The following CR1 variants were observed in gnomAD, a reference collection of about 807,000 sequenced individuals.
CR1 encodes the protein complement receptor type 1.
CR1 carries 116 observed loss-of-function variants against 187.3 expected under a neutral mutation model. The observed-to-expected ratio is 0.62, with a 90% confidence interval of 0.53 to 0.72. CR1 has a LOEUF of 0.72. Among genes scored for constraint, CR1 ranks in the 30% least tolerant of loss-of-function variants. CR1 has a pLI of 0.00. For synonymous variants in CR1, 576 were observed against 747.1 expected, an observed-to-expected ratio of 0.77 and a Z score of 3.73; for missense variants, 1,731 against 2,110.7, an observed-to-expected ratio of 0.82 and a Z score of 3.52.
intron 1 of CR1, among the ~76,000 whole-genome samples, chr1:207,498,143 T>A (rs1245955102): frequency 1.3e-5 from 2 of 152,220 alleles, no homozygotes; most frequent in Non-Finnish European, 2.9e-5. Flanking sequence ...ACTGACATCC[T>A]GATCTCTGAG....
chr1:207,505,918 C>T lies in CR1; in HGVS notation c.136C>T (p.Pro46Ser). Residue 46 changes from proline (P) to serine (S), a missense_variant, in exon 2 of 47, where the codon CCA becomes TCA. Transcript: ENST00000367049. Reference protein sequence around the residue: ...LPVAWGQCNAPEWLPFARPTN... With the variant: ...LPVAWGQCNASEWLPFARPTN... ...TTGATCTCCAGGTCAATGCAATGCCCCAGAATGGCTTCCATTTGCCAGGCC... is the reference window on the plus strand; with the variant it reads ...TTGATCTCCAGGTCAATGCAATGCCTCAGAATGGCTTCCATTTGCCAGGCC... The T allele has an allele frequency of 6.2e-7, 1 of 1,613,776 alleles. No individual in the cohort carries two copies. Among genetic ancestry groups the T allele is most frequent in the Non-Finnish European group, 8.5e-7 (1 of 1,179,738 alleles).
intron 28 of CR1, 73 bp downstream of exon 28, chr1:207,575,753 T>G: frequency 1.9e-6 from 3 of 1,602,302 alleles, no homozygotes; most frequent in Admixed American, 1.7e-5. Context: ...TTACAAAGAA[T>G]GGATCTCATC....
intron 19 of CR1, among the ~76,000 whole-genome samples, chr1:207,554,216 AGAG>A (rs1660337043): frequency 1.4e-5 from 1 of 72,548 alleles, no homozygotes; most frequent in Non-Finnish European, 3.0e-5. Flanking sequence ...TCATAGCTAG[AGAG>A]GAGAAGCCAA....
intron 42 of CR1, among the ~76,000 whole-genome samples, 166 bp from the exon 43 acceptor site, chr1:207,619,714 G>C (rs934347326): frequency 1.3e-5 from 2 of 152,198 alleles, no homozygotes; most frequent in African/African-American, 4.8e-5. Flanking sequence ...GTCAGGAAAT[G>C]TTAAATCATA....
chr1:207,576,771 G>A (rs1281326669), intron 28 of CR1, among the ~76,000 whole-genome samples: 3 of 152,192 alleles, frequency 2.0e-5, no homozygotes, highest in Non-Finnish European at 4.4e-5. Flanking sequence ...AATGAGCCAT[G>A]ATCGTGCCAC....
intron 35 of CR1, chr1:207,600,567 A>C (rs1477876144): frequency 2.0e-5 from 3 of 152,180 alleles, no homozygotes; most frequent in Non-Finnish European, 4.4e-5. Flanking sequence ...AGTTTTAGAA[A>C]ACGGAGTACC....
chr1:207,613,627 T>C (rs1048373985), intron 39 of CR1, among the ~76,000 whole-genome samples: 2 of 152,154 alleles, frequency 1.3e-5, no homozygotes, highest in African/African-American at 4.8e-5. Context: ...TTATTAGTTG[T>C]TTATGTGTAT....
chr1:207,639,664 C>T lies in CR1; in HGVS notation c.*255C>T. The T allele has an allele frequency of 2.4e-6, 1 of 408,566 alleles. No individual in the cohort carries two copies. Among genetic ancestry groups the T allele is most frequent in the East Asian group, 3.8e-5 (1 of 26,644 alleles). 25.3% of individuals were successfully genotyped at this position (408,566 alleles called of 1,614,324 possible). A position where few individuals can be genotyped will look rare whatever the true frequency, so the allele number is the denominator to read the frequency against. ...CACAGTATCTAGTCAGGGGAAAAGA[C>T]TGCATTTAGGAGATAGAAAATAGTT... On this transcript the variant is annotated 3_prime_UTR_variant, in exon 47 of 47. Transcript: ENST00000367049.
chr1:207,632,659 G>A (rs1467228979), intron 46 of CR1, among the ~76,000 whole-genome samples: 2 of 151,998 alleles, frequency 1.3e-5, no homozygotes, highest in African/African-American at 2.4e-5. Context: ...TTAGCCAGGC[G>A]TGGTGGTGGG....
rs1432794867 is a variant in CR1, at chr1:207,526,712, G to A, written c.887-41G>A. On this transcript the variant is annotated intron_variant, in intron 5 of 46. Coordinates refer to ENST00000367049, the MANE Select transcript of CR1 (RefSeq NM_000651.6). ...CCAGTTTAACAGTGAGAAAAAAGTTGTTTTCACACAATTAGCTGTACTTTG... is the reference window on the plus strand; with the variant it reads ...CCAGTTTAACAGTGAGAAAAAAGTTATTTTCACACAATTAGCTGTACTTTG... 20 of 1,490,046 alleles carry A rather than the reference G, an allele frequency of 1.3e-5. 2 individuals are homozygous for A. The highest frequency in any genetic ancestry group is 3.7e-5 in the African/African-American group (2 of 54,658). The allele number at this position is 1,490,046 out of a possible 1,614,324, so 92.3% of individuals were successfully genotyped here.
chr1:207,639,626 C>G lies in CR1; in HGVS notation c.*217C>G. The G allele has an allele frequency of 1.9e-6, 1 of 514,590 alleles. No homozygotes were observed. The highest frequency in any genetic ancestry group is 3.5e-6 in the Non-Finnish European group (1 of 288,080). The allele number at this position is 514,590 out of a possible 1,614,324, so 31.9% of individuals were successfully genotyped here. Reference sequence around the variant, plus strand: ...CTGTGAAACCCCCACCCTTCTGCCTCGTGCTAAACGCACACAGTATCTAGT... The same window carrying G: ...CTGTGAAACCCCCACCCTTCTGCCTGGTGCTAAACGCACACAGTATCTAGT... On this transcript the variant is annotated 3_prime_UTR_variant, in exon 47 of 47. Coordinates refer to ENST00000367049, the MANE Select transcript of CR1 (RefSeq NM_000651.6).
At chr1:207,630,278 A>G (rs1031830039) in intron 45 of CR1, among the ~76,000 whole-genome samples, 6 of 152,226 alleles carry the variant, frequency 3.9e-5, no homozygotes, top group African/African-American at 1.4e-4. Context: ...GCCTATAAAC[A>G]ATTTAGAGTA....
intron 35 of CR1, among the ~76,000 whole-genome samples, chr1:207,595,619 G>A (rs796174836): frequency 1.3e-4 from 19 of 151,920 alleles, no homozygotes; most frequent in African/African-American, 4.6e-4. Flanking sequence ...CATCTGCAAG[G>A]CACAGATGCA....
intron 5 of CR1, among the ~76,000 whole-genome samples, chr1:207,524,534 C>T (rs956407682): frequency 1.2e-4 from 18 of 152,082 alleles, no homozygotes; most frequent in African/African-American, 3.4e-4. Flanking sequence ...TAGGTGCATG[C>T]CACCATGCCT....
intron 5 of CR1, among the ~76,000 whole-genome samples, chr1:207,525,626 C>A (rs1171415791): frequency 6.6e-6 from 1 of 151,986 alleles, no homozygotes; most frequent in African/African-American, 2.4e-5. Context: ...ATATATGCCT[C>A]CAATTGGCAG....
intron 42 of CR1, 96 bp downstream of exon 42, chr1:207,618,343 G>T: frequency 9.7e-6 from 11 of 1,137,804 alleles, no homozygotes; most frequent in Admixed American, 2.5e-5. Context: ...TTAATGAAAG[G>T]GATAATATTT....
At chr1:207,607,471 G>T in intron 36 of CR1, 135 bp downstream of exon 36, 3 of 654,138 alleles carry the variant, frequency 4.6e-6, no homozygotes, top group South Asian at 2.0e-5. Context: ...GATGCTTCAT[G>T]GTCTTCCTGG....
chr1:207,575,811 C>T (rs1013038820), intron 28 of CR1, 131 bp downstream of exon 28: 1 of 1,430,708 alleles, frequency 7.0e-7, no homozygotes, highest in Non-Finnish European at 9.7e-7. Context: ...CTAGTCATAT[C>T]CTTAAAATGG....
At chr1:207,496,923 C>G (rs1659106587) in intron 1 of CR1, among the ~76,000 whole-genome samples, 1 of 152,152 alleles carries the variant, frequency 6.6e-6, no homozygotes, top group Admixed American at 6.5e-5. Flanking sequence ...TATGTGTCCC[C>G]GAGTCCATTT....
Sources: gnomAD v4.1 joint callset for allele counts (sites outside exome capture counted in the v4.1 genomes callset) on GRCh38, gnomAD v4.1.1 for gene constraint, MANE v1.5 for transcripts, NCBI Gene and HGNC (gene_info 2026-07-23, HGNC 2026-07-21) for gene names.